Variants in ZNF791 observed in about 807,000 individuals in gnomAD.
ZNF791 encodes the protein zinc finger protein 791.
In ZNF791, 4 loss-of-function variants were observed where a neutral mutation model predicts 11.5. That is an observed-to-expected ratio of 0.35 (90% confidence interval 0.17 to 0.80). The LOEUF is 0.80. Among genes scored for constraint, ZNF791 ranks in the 30% least tolerant of loss-of-function variants. The pLI, the probability that ZNF791 is intolerant of heterozygous loss-of-function variation, is 0.53. For missense variants in ZNF791, 559 were observed against 699.4 expected (o/e 0.80, Z 2.26); for synonymous variants, 212 against 228.1 (o/e 0.93, Z 0.64).
intron 1 of ZNF791, among the ~76,000 whole-genome samples, chr19:12,611,508 T>A (rs1396155654): frequency 6.6e-6 from 1 of 152,064 alleles, no homozygotes; most frequent in Non-Finnish European, 1.5e-5. Context: ...GATTTCCGGA[T>A]CCCTCCCCGA....
At chr19:12,625,061 G>A (rs1451407280) in intron 3 of ZNF791, among the ~76,000 whole-genome samples, 1 of 151,064 alleles carries the variant, frequency 6.6e-6, no homozygotes, top group African/African-American at 2.4e-5. Context: ...AAAAAAAAAA[G>A]AAGTTGTGAC....
chr19:12,619,506 G>A (rs1260469782), intron 1 of ZNF791, among the ~76,000 whole-genome samples: 1 of 146,204 alleles, frequency 6.8e-6, no homozygotes, highest in Non-Finnish European at 1.5e-5. Context: ...CTGGAGTGCA[G>A]TGGCGCGATC....
chr19:12,623,928 T>A, intron 2 of ZNF791, 102 bp downstream of exon 2: 1 of 1,061,190 alleles, frequency 9.4e-7, no homozygotes, highest in Non-Finnish European at 1.3e-6. Flanking sequence ...CAATCTCAGC[T>A]CACCACAACC....
chr19:12,612,274 A>C lies in ZNF791; in HGVS notation c.3+1192A>C, dbSNP rs1414847159. On this transcript the variant is annotated intron_variant, in intron 1 of 3. Coordinates refer to ENST00000343325, the MANE Select transcript of ZNF791 (RefSeq NM_153358.3). ...GGCTGATCTTGAACTCCTGGGCTCA[A>C]GCGATCCTCCACCCTCAGCATCCCA... 1.0e-5 allele frequency: 3 copies of C among 299,898 alleles called. No individual in the cohort carries two copies. The Admixed American group carries it at 2.0e-4, about 20-fold the overall frequency. The allele number at this position is 299,898 out of a possible 1,614,324, so 18.6% of individuals were successfully genotyped here.
Position 12,612,129 on chromosome 19 carries a change from T to C in ZNF791, c.3+1047T>C, listed in dbSNP as rs114369944. 507 of 886,340 alleles carry C rather than the reference T, an allele frequency of 5.7e-4. 1 individual carries two copies. The African/African-American group carries it at 8.7e-3, about 15-fold the overall frequency. 54.9% of individuals were successfully genotyped at this position (886,340 alleles called of 1,614,324 possible). ...TTCCAGGACTTAAACTTGCAACATCTAGAAGCATTCAGATAGAAGTAATAC... is the reference window on the plus strand; with the variant it reads ...TTCCAGGACTTAAACTTGCAACATCCAGAAGCATTCAGATAGAAGTAATAC... On this transcript the variant is annotated intron_variant, in intron 1 of 3. Transcript: ENST00000343325.
In ZNF791 at chr19:12,620,754, C is replaced by CTTTTTTTTTTTTTTTTT. The variant is rs1051381342; in HGVS notation, c.4-2938_4-2922dup. ...AAACTGGAGAAAGGGGATTTATGTT[C>CTTTTTTTTTTTTTTTTT]TTTTTTTTTTTTTTTTTTTTTTTTG... On this transcript the variant is annotated intron_variant, in intron 1 of 3. Coordinates refer to ENST00000343325, the MANE Select transcript of ZNF791 (RefSeq NM_153358.3). Among the ~76,000 whole-genome samples the CTTTTTTTTTTTTTTTTT allele has an allele frequency of 1.9e-4, 16 of 83,450 alleles. 3 individuals carry two copies. Among genetic ancestry groups the CTTTTTTTTTTTTTTTTT allele is most frequent in the African/African-American group, 8.6e-4 (16 of 18,666 alleles). The allele number at this position is 83,450 out of a possible 152,430, so 54.7% of individuals were successfully genotyped here. A position where few individuals can be genotyped will look rare whatever the true frequency, so the allele number is the denominator to read the frequency against.
chr19:12,623,303 G>A (rs984709803), intron 1 of ZNF791: 2 of 184,432 alleles, frequency 1.1e-5, no homozygotes, highest in Admixed American at 1.2e-4. Flanking sequence ...CTACTCAGGA[G>A]GCTGAGGTTG....
At position 12,628,809 on chromosome 19, in the gene ZNF791, T is replaced by G. The variant is rs1343156599; in HGVS notation, c.1280T>G (p.Phe427Cys). ...CAKTFISLEN[F>C]RRHMITHTGD... The stretch of plus-strand genomic sequence containing the variant: ...AAAACCTTCATTTCTCTTGAGAACT[T>G]TCGAAGACACATGATCACCCACACT... Residue 427 changes from phenylalanine (F) to cysteine (C), a missense_variant, in exon 4 of 4, where the codon TTT (phenylalanine) becomes TGT (cysteine). Coordinates refer to ENST00000343325, the MANE Select transcript of ZNF791 (RefSeq NM_153358.3). 1 of 1,614,078 alleles carries G rather than the reference T, an allele frequency of 6.2e-7. No homozygotes were observed. Among genetic ancestry groups the G allele is most frequent in the South Asian group, 1.1e-5 (1 of 91,066 alleles).
intron 1 of ZNF791, among the ~76,000 whole-genome samples, chr19:12,611,756 G>C (rs1294443163): frequency 6.6e-6 from 1 of 152,110 alleles, no homozygotes; most frequent in Non-Finnish European, 1.5e-5. Flanking sequence ...CCTTTCCAGG[G>C]CACAGACATC....
At chr19:12,618,849 G>A (rs140894408) in intron 1 of ZNF791, among the ~76,000 whole-genome samples, 3 of 107,006 alleles carry the variant, frequency 2.8e-5, no homozygotes, top group African/African-American at 1.1e-4. Context: ...GTGTGTGTGT[G>A]TATTTATTTA....
At chr19:12,612,203 T>TTTC in intron 1 of ZNF791, 1 of 843,850 alleles carries the variant, frequency 1.2e-6, no homozygotes, top group South Asian at 5.5e-5. Flanking sequence ...ACATTATTAT[T>TTTC]TTCTTTTTTT....
chr19:12,626,224 C>T (rs1297182325), intron 3 of ZNF791, among the ~76,000 whole-genome samples: 1 of 152,190 alleles, frequency 6.6e-6, no homozygotes, highest in East Asian at 1.9e-4. Context: ...ACTATGTTGG[C>T]CAGGATGGTC....
intron 1 of ZNF791, among the ~76,000 whole-genome samples, chr19:12,614,428 G>C (rs1166500669): frequency 6.6e-6 from 1 of 151,566 alleles, no homozygotes; most frequent in Non-Finnish European, 1.5e-5. Context: ...GTAGAGACGG[G>C]GTTTCACCGT....
chr19:12,629,305 CAG>C lies in ZNF791; in HGVS notation c.*47_*48del. The C allele has an allele frequency of 1.4e-6, 2 of 1,379,876 alleles. No homozygotes were observed. Among genetic ancestry groups the C allele is most frequent in the African/African-American group, 1.5e-5 (1 of 68,884 alleles). The allele number at this position is 1,379,876 out of a possible 1,614,324, so 85.5% of individuals were successfully genotyped here. On this transcript the variant is annotated 3_prime_UTR_variant, in exon 4 of 4. Coordinates refer to ENST00000343325, the MANE Select transcript of ZNF791 (RefSeq NM_153358.3). ...AATAGGAGAAAGTTTTCAATTCTAACAGATGCTTTCAAAGTTGTGAAAATTCC... is the reference window on the plus strand; with the variant it reads ...AATAGGAGAAAGTTTTCAATTCTAACATGCTTTCAAAGTTGTGAAAATTCC...
intron 1 of ZNF791, among the ~76,000 whole-genome samples, chr19:12,622,912 AAAG>A (rs1181615133): frequency 1.1e-4 from 10 of 89,388 alleles, no homozygotes; most frequent in African/African-American, 2.9e-4. Context: ...AAAAAAAAAG[AAAG>A]AAAAAAAACC....
intron 3 of ZNF791, among the ~76,000 whole-genome samples, chr19:12,625,771 T>A (rs1468509910): frequency 1.5e-5 from 2 of 135,158 alleles, no homozygotes; most frequent in Admixed American, 1.6e-4. Context: ...GGCGACAGAG[T>A]GAGACTCCAT....
At chr19:12,625,001 G>A (rs1356734718) in intron 3 of ZNF791, among the ~76,000 whole-genome samples, 3 of 151,724 alleles carry the variant, frequency 2.0e-5, no homozygotes, top group Non-Finnish European at 4.4e-5. Flanking sequence ...AGCGAGCCGA[G>A]ATCGCGCCAC....
chr19:12,614,892 C>CTTTTTT (rs57575424), intron 1 of ZNF791, among the ~76,000 whole-genome samples: 1,294 of 17,540 alleles, frequency 0.074, 513 homozygotes, highest in Non-Finnish European at 0.13. Context: ...TGCGTCCGGC[C>CTTTTTT]TTTTTTTTTT....
rs776873818 is a variant in ZNF791 at position 12,628,743 on chromosome 19, A to G, written c.1214A>G (p.Asn405Ser). ...CTAGATTTGAAAATCCACAAGAGAA[A>G]TCACACTGGAGAAAAACCCTATGAG... ...YPLDLKIHKR[N>S]HTGEKPYECK... Residue 405 changes from asparagine (N) to serine (S), a missense_variant, in exon 4 of 4, where the codon AAT becomes AGT. Physicochemically the swap from Asn to Ser is conservative, Grantham distance 46 (BLOSUM62 1). Coordinates refer to ENST00000343325, the MANE Select transcript of ZNF791 (RefSeq NM_153358.3). 4 of 1,601,466 alleles carry G rather than the reference A, an allele frequency of 2.5e-6. No homozygotes were observed. The highest frequency in any genetic ancestry group is 3.4e-6 in the Non-Finnish European group (4 of 1,175,142).
Sources: gnomAD v4.1 joint callset for allele counts (sites outside exome capture counted in the v4.1 genomes callset) on GRCh38, gnomAD v4.1.1 for gene constraint, MANE v1.5 for transcripts, NCBI Gene and HGNC (gene_info 2026-07-23, HGNC 2026-07-21) for gene names.